RSPO2: variants seen among roughly 807,000 people sequenced by gnomAD.
RSPO2 encodes the protein R-spondin 2.
In RSPO2, 14 loss-of-function variants were observed where a neutral mutation model predicts 30.9. That is an observed-to-expected ratio of 0.45 (90% CI 0.30 to 0.71). The LOEUF (loss-of-function observed/expected upper bound fraction) is 0.71. RSPO2 is among the 30% of genes least tolerant of loss of function. The pLI, the probability that RSPO2 is intolerant of heterozygous loss-of-function variation, is 0.08. For missense variants in RSPO2, 264 were observed against 301.9 expected (o/e 0.87, Z 0.93); for synonymous variants, 107 against 96.4 (o/e 1.11, Z -0.64).
chr8:108,058,070 G>A (rs1170837177), intron 2 of RSPO2, among the ~76,000 whole-genome samples: 1 of 152,104 alleles, frequency 6.6e-6, no homozygotes, highest in Non-Finnish European at 1.5e-5. Flanking sequence ...CAAAGGGAAT[G>A]CTTCCAGTTT....
chr8:108,041,263 T>C (rs139327079), intron 2 of RSPO2, among the ~76,000 whole-genome samples: 15 of 141,196 alleles, frequency 1.1e-4, no homozygotes, highest in African/African-American at 2.1e-4. Flanking sequence ...CCTTAAGTAA[T>C]TGGACAAAGA....
At chr8:107,956,493 T>C (rs1586576904) in intron 5 of RSPO2, among the ~76,000 whole-genome samples, 1 of 152,216 alleles carries the variant, frequency 6.6e-6, no homozygotes, top group African/African-American at 2.4e-5. Context: ...ATGTTGTTGT[T>C]GATAACATAA....
chr8:107,909,114 C>T (rs1174663402), intron 5 of RSPO2, among the ~76,000 whole-genome samples: 2 of 152,114 alleles, frequency 1.3e-5, no homozygotes, highest in African/African-American at 2.4e-5. Context: ...CTGCTGTAGT[C>T]CACTTCTGCA....
chr8:107,901,754 T>C (rs767013503), intron 5 of RSPO2, among the ~76,000 whole-genome samples: 48 of 152,368 alleles, frequency 3.2e-4, no homozygotes, highest in Non-Finnish European at 6.3e-4. Context: ...ATTCATTATA[T>C]ACCTTATGGC....
At chr8:107,931,089 T>C (rs1468135370) in intron 5 of RSPO2, among the ~76,000 whole-genome samples, 2 of 152,288 alleles carry the variant, frequency 1.3e-5, no homozygotes, top group African/African-American at 2.4e-5. Context: ...TATAAAAACA[T>C]ATGATAGGAA....
rs189475793 is a variant in RSPO2 at position 107,959,023 on chromosome 8, A to T, written c.428-755T>A. 1.5e-3 allele frequency among the ~76,000 whole-genome samples: 221 copies of T among 152,336 alleles called. 4 individuals carry two copies. Among genetic ancestry groups the T allele is most frequent in the Non-Finnish European group, 2.1e-4 (14 of 68,030 alleles). ...ATGACACTAAAATGTGTAATTTTTA[A>T]AAGAGTCAACAGCTAAAACCTAAAG... On this transcript the variant is annotated intron_variant, in intron 4 of 5. Transcript: ENST00000276659.
intron 5 of RSPO2, among the ~76,000 whole-genome samples, chr8:107,935,019 A>T (rs1812669787): frequency 6.6e-6 from 1 of 152,222 alleles, no homozygotes; most frequent in Non-Finnish European, 1.5e-5. Context: ...AAATCTGGGC[A>T]TCCAAAAGGA....
chr8:108,032,975 G>A (rs558796225), intron 2 of RSPO2, among the ~76,000 whole-genome samples: 227 of 146,652 alleles, frequency 1.5e-3, no homozygotes, highest in Middle Eastern at 0.014. Flanking sequence ...GCATGAACCC[G>A]GGAGGCGAAG....
intron 2 of RSPO2, among the ~76,000 whole-genome samples, chr8:108,054,114 T>C (rs963570181): frequency 2.0e-5 from 3 of 152,198 alleles, no homozygotes; most frequent in Non-Finnish European, 4.4e-5. Flanking sequence ...GCACTGGTGA[T>C]ACAATGTAAA....
intron 2 of RSPO2, among the ~76,000 whole-genome samples, chr8:108,029,762 T>G (rs1368391348): frequency 2.0e-5 from 3 of 152,296 alleles, no homozygotes; most frequent in African/African-American, 7.2e-5. Flanking sequence ...TATTCCTTAG[T>G]GGATGAGAAG....
intron 2 of RSPO2, among the ~76,000 whole-genome samples, chr8:108,044,632 T>G (rs1157473667): frequency 6.6e-6 from 1 of 152,194 alleles, no homozygotes; most frequent in Non-Finnish European, 1.5e-5. Context: ...TCTAGATTGA[T>G]TCCATGTCTT....
intron 2 of RSPO2, among the ~76,000 whole-genome samples, chr8:108,001,933 G>A (rs1211961802): frequency 2.0e-5 from 3 of 152,154 alleles, no homozygotes; most frequent in Non-Finnish European, 2.9e-5. Context: ...AATACCTAAC[G>A]CATGCCGGGC....
rs1471728515 is a variant in RSPO2 at position 107,899,535 on chromosome 8, C to T, written c.*1540G>A. 1.3e-5 allele frequency: 2 copies of T among 152,304 alleles called. No homozygotes were observed. The highest frequency in any genetic ancestry group is 2.9e-5 in the Non-Finnish European group (2 of 67,990). The allele number at this position is 152,304 out of a possible 1,614,324, so 9.4% of individuals were successfully genotyped here. A position where few individuals can be genotyped will look rare whatever the true frequency, so the allele number is the denominator to read the frequency against. ...GCTTATTATCTCATAGCAATATTTT[C>T]ATAACGATGTATATGATATTTATCC... On this transcript the variant is annotated 3_prime_UTR_variant, in exon 6 of 6. Coordinates refer to ENST00000276659, the MANE Select transcript of RSPO2 (RefSeq NM_178565.5).
At chr8:108,018,285 T>C (rs1810954661) in intron 2 of RSPO2, among the ~76,000 whole-genome samples, 2 of 152,186 alleles carry the variant, frequency 1.3e-5, no homozygotes, top group Admixed American at 1.3e-4. Flanking sequence ...CACATTCTTA[T>C]ATAAAGTATT....
intron 5 of RSPO2, among the ~76,000 whole-genome samples, chr8:107,920,736 G>T (rs768830895): frequency 1.1e-4 from 16 of 152,086 alleles, no homozygotes; most frequent in Non-Finnish European, 1.8e-4. Context: ...TTATATGAAT[G>T]CATAATGTTA....
chr8:108,044,089 A>G (rs999478155), intron 2 of RSPO2, among the ~76,000 whole-genome samples: 1 of 151,868 alleles, frequency 6.6e-6, no homozygotes, highest in Non-Finnish European at 1.5e-5. Context: ...TTAGGTCCCA[A>G]TGGTTATGCC....
At chr8:108,069,963 A>G (rs902727188) in intron 2 of RSPO2, among the ~76,000 whole-genome samples, 3 of 152,212 alleles carry the variant, frequency 2.0e-5, no homozygotes, top group African/African-American at 7.2e-5. Flanking sequence ...AAAGCAAAAT[A>G]TCTGTATGGT....
intron 2 of RSPO2, among the ~76,000 whole-genome samples, chr8:108,009,530 C>T (rs985266024): frequency 2.6e-5 from 4 of 152,130 alleles, no homozygotes; most frequent in African/African-American, 9.7e-5. Flanking sequence ...TAAAAAGTCA[C>T]ACACATTACA....
chr8:108,021,408 AAGT>A (rs1811053505), intron 2 of RSPO2, among the ~76,000 whole-genome samples: 1 of 152,220 alleles, frequency 6.6e-6, no homozygotes, highest in Non-Finnish European at 1.5e-5. Flanking sequence ...GAATGAAAGC[AAGT>A]AGGAATTTAG....
Sources: allele counts gnomAD v4.1 joint callset (sites outside exome capture counted in the v4.1 genomes callset), GRCh38; gene constraint gnomAD v4.1.1; transcripts MANE v1.5; gene names NCBI Gene and HGNC (gene_info 2026-07-23, HGNC 2026-07-21).